MYO16: variants seen among roughly 807,000 people sequenced by gnomAD.
MYO16 encodes unconventional myosin-XVI.
In MYO16, 94 loss-of-function variants were observed where a neutral mutation model predicts 205.3. The observed-to-expected ratio is 0.46, with a 90% CI of 0.39 to 0.54. MYO16 has a LOEUF of 0.54. Ranked by LOEUF, MYO16 falls within the 20% of genes least tolerant of loss-of-function variation. MYO16 has a pLI of 0.00. For missense variants in MYO16, 2,315 were observed against 2,387.5 expected, an observed-to-expected ratio of 0.97 and a Z score of 0.63; for synonymous variants, 988 against 954.0, an observed-to-expected ratio of 1.04 and a Z score of -0.66.
intron 11 of MYO16, among the ~76,000 whole-genome samples, chr13:108,861,912 C>T (rs909438174): frequency 1.1e-4 from 17 of 151,984 alleles, no homozygotes; most frequent in African/African-American, 2.7e-4. Flanking sequence ...CTTCAAATAG[C>T]GTATTTAAAA....
intron 1 of MYO16, among the ~76,000 whole-genome samples, chr13:108,617,311 G>C (rs1879382075): frequency 6.6e-6 from 1 of 152,120 alleles, no homozygotes; most frequent in South Asian, 2.1e-4. Flanking sequence ...GCTGCTGCTG[G>C]TCCAGGGGCC....
At chr13:108,869,487 G>A (rs1452760442) in intron 12 of MYO16, among the ~76,000 whole-genome samples, 1 of 151,692 alleles carries the variant, frequency 6.6e-6, no homozygotes, top group Non-Finnish European at 1.5e-5. Context: ...CACTTTGGGA[G>A]GCCGAGGCGG....
chr13:108,574,665 C>A, the MYO16 span, among the ~76,000 whole-genome samples: 1 of 108,912 alleles, frequency 9.2e-6, no homozygotes, highest in Non-Finnish European at 1.9e-5. Context: ...CTACCAATAA[C>A]AATTTGTGTG....
intron 1 of MYO16, among the ~76,000 whole-genome samples, chr13:108,606,771 T>C (rs1430996310): frequency 6.6e-6 from 1 of 152,042 alleles, no homozygotes; most frequent in Admixed American, 6.6e-5. Context: ...GAATGGTAGA[T>C]CCACCTACAG....
intron 23 of MYO16, among the ~76,000 whole-genome samples, chr13:109,029,856 A>G (rs1015344104): frequency 2.6e-4 from 40 of 152,294 alleles, no homozygotes; most frequent in African/African-American, 8.9e-4. Flanking sequence ...GTTAAGACAA[A>G]ATGTAATACC....
At chr13:108,566,915 T>C in the MYO16 span, among the ~76,000 whole-genome samples, 1 of 152,164 alleles carries the variant, frequency 6.6e-6, no homozygotes, top group African/African-American at 2.4e-5. Flanking sequence ...GGTTGACAAT[T>C]AGAACAATTT....
chr13:108,593,121 T>C (rs1293853527), upstream of MYO16, among the ~76,000 whole-genome samples: 5 of 152,100 alleles, frequency 3.3e-5, no homozygotes, highest in African/African-American at 1.2e-4. Flanking sequence ...CTCTTTTCTC[T>C]CTTGAAAGCG....
intron 4 of MYO16, among the ~76,000 whole-genome samples, chr13:108,746,114 A>G (rs1293894661): frequency 2.0e-5 from 3 of 152,040 alleles, no homozygotes; most frequent in African/African-American, 7.2e-5. Flanking sequence ...AATGGCATGA[A>G]CCCGGGAGGT....
At chr13:109,054,577 C>A (rs1423089245) in intron 25 of MYO16, among the ~76,000 whole-genome samples, 1 of 152,000 alleles carries the variant, frequency 6.6e-6, no homozygotes, top group Admixed American at 6.6e-5. Flanking sequence ...TACCACCAAG[C>A]AAATGAGGAT....
chr13:108,526,509 A>G, the MYO16 span, among the ~76,000 whole-genome samples: 1 of 152,160 alleles, frequency 6.6e-6, no homozygotes, highest in South Asian at 2.1e-4. Context: ...TGATTTGTTA[A>G]TGGTTTAAGC....
Position 109,140,527 on chromosome 13 carries a change from G to C in MYO16, c.4315G>C (p.Gly1439Arg). Reference sequence around the variant, plus strand: ...CGAGCCTGTGTACATCGAGATGCTGGGGCACGCGGCCAGGCCCGATAGCCC... The same window carrying C: ...CGAGCCTGTGTACATCGAGATGCTGCGGCACGCGGCCAGGCCCGATAGCCC... The part of the protein sequence containing the change: ...DSEPVYIEML[G>R]HAARPDSPDP... The change falls in exon 32 of 35, where the codon GGG (glycine) becomes CGG (arginine). Residue 1439 changes from glycine (G) to arginine (R), a missense_variant. By Grantham distance (125) the Gly-to-Arg change is moderately radical. Transcript: ENST00000457511. The surrounding 1 kb of genome is among the most constrained non-coding windows in gnomAD (Gnocchi z 8.0). 1 of 1,552,272 alleles carries C rather than the reference G, an allele frequency of 6.4e-7. No individual in the cohort carries two copies. Among genetic ancestry groups the C allele is most frequent in the Non-Finnish European group, 8.6e-7 (1 of 1,157,234 alleles).
intron 21 of MYO16, among the ~76,000 whole-genome samples, chr13:109,004,406 CCTT>C (rs761915612): frequency 3.3e-5 from 5 of 151,880 alleles, no homozygotes; most frequent in Non-Finnish European, 5.9e-5. Flanking sequence ...AACAAAATTA[CCTT>C]ATTATTGGAG....
chr13:108,855,297 C>G, intron 10 of MYO16, 146 bp from the exon 11 acceptor site: 11 of 307,154 alleles, frequency 3.6e-5, no homozygotes, highest in East Asian at 5.4e-5. Context: ...TTTTCTTTTT[C>G]ATTGAACCAT....
the MYO16 span, among the ~76,000 whole-genome samples, chr13:108,510,147 C>T: frequency 3.3e-5 from 5 of 152,118 alleles, no homozygotes; most frequent in Admixed American, 1.3e-4. Context: ...GACAGAGTCT[C>T]GCCCTGTCGC....
chr13:108,933,700 C>T (rs1253674072), intron 16 of MYO16, among the ~76,000 whole-genome samples: 2 of 151,992 alleles, frequency 1.3e-5, no homozygotes, highest in Admixed American at 6.6e-5. Context: ...TCCCTTTACC[C>T]AGGTACTGAG....
At chr13:108,534,854 C>A in the MYO16 span, among the ~76,000 whole-genome samples, 1 of 148,566 alleles carries the variant, frequency 6.7e-6, no homozygotes, top group Admixed American at 6.7e-5. Context: ...TCCTCATCCT[C>A]TTCCTCCTCC....
intron 4 of MYO16, among the ~76,000 whole-genome samples, chr13:108,768,711 C>A (rs926003733): frequency 6.6e-6 from 1 of 152,020 alleles, no homozygotes; most frequent in Non-Finnish European, 1.5e-5. Flanking sequence ...ATTTGATGAG[C>A]ATATTTGAGG....
At chr13:108,956,608 C>T (rs936978025) in intron 16 of MYO16, among the ~76,000 whole-genome samples, 2 of 152,134 alleles carry the variant, frequency 1.3e-5, no homozygotes, top group African/African-American at 4.8e-5. Flanking sequence ...CAATTTTGCA[C>T]ACATGGATAT....
chr13:108,709,385 T>C (rs1384876908), intron 2 of MYO16, among the ~76,000 whole-genome samples: 1 of 148,126 alleles, frequency 6.8e-6, no homozygotes, highest in Non-Finnish European at 1.5e-5. Context: ...TCTGATGCCG[T>C]TTGGGGTTAA....
Sources: gnomAD v4.1 joint callset for allele counts (sites outside exome capture counted in the v4.1 genomes callset) on GRCh38, gnomAD v4.1.1 for gene constraint, Gnocchi (gnomAD v3.1) non-coding constraint, MANE v1.5 for transcripts, NCBI Gene and HGNC (gene_info 2026-07-23, HGNC 2026-07-21) for gene names.